SLC25A27: variants seen among roughly 807,000 people sequenced by gnomAD.
SLC25A27 encodes the protein solute carrier family 25 member 27, also known as mitochondrial uncoupling protein 4.
Under a neutral mutation model 49.1 loss-of-function variants are expected in SLC25A27, and 35 were observed. The ratio of observed to expected loss-of-function variants is 0.71; its 90% CI spans 0.54 to 0.95. The LOEUF is 0.95. Among genes scored for constraint, SLC25A27 ranks in the 40% least tolerant of loss-of-function variants. The pLI, the probability that SLC25A27 is intolerant of heterozygous loss-of-function variation, is 0.00. For synonymous variants in SLC25A27, 144 were observed against 136.9 expected, an observed-to-expected ratio of 1.05 and a Z score of -0.36; for missense variants, 339 against 397.1, an observed-to-expected ratio of 0.85 and a Z score of 1.24.
At position 46,662,437 on chromosome 6, in the gene SLC25A27, G is replaced by A; in HGVS notation, c.445G>A (p.Asp149Asn). 6.2e-7 allele frequency: 1 copy of A among 1,613,926 alleles called. No individual in the cohort carries two copies. Among genetic ancestry groups the A allele is most frequent in the African/African-American group, 1.3e-5 (1 of 75,020 alleles). The part of the protein sequence containing the change: ...VIGQFLANPT[D>N]LVKVQMQMEG... ...TGGCCAGTTTTTAGCCAATCCAACT[G>A]ACCTAGTGAAGGTTCAGATGCAAAT... Residue 149 changes from aspartate (D) to asparagine (N), a missense_variant, in exon 4 of 9, where the codon GAC becomes AAC. Transcript: ENST00000371347.
At chr6:46,654,009 T>C (rs1472404555) in intron 1 of SLC25A27, 1 of 700,846 alleles carries the variant, frequency 1.4e-6, no homozygotes, top group Admixed American at 6.3e-5. Context: ...GAAGATATTA[T>C]TAGGTGTCAT....
At chr6:46,658,727 A>G in intron 2 of SLC25A27, 1 of 530,328 alleles carries the variant, frequency 1.9e-6, no homozygotes, top group Non-Finnish European at 3.4e-6. Context: ...CAGAGAAGGG[A>G]GAATTCATTC....
intron 1 of SLC25A27, 97 bp from the exon 2 acceptor site, chr6:46,655,746 A>G: frequency 9.8e-7 from 1 of 1,016,192 alleles, no homozygotes; most frequent in South Asian, 1.5e-5. Context: ...AAATTTGAGA[A>G]CAACCAGTCT....
At chr6:46,653,681 C>T (rs961604424) in intron 1 of SLC25A27, 4 of 985,158 alleles carry the variant, frequency 4.1e-6, no homozygotes, top group South Asian at 4.7e-5. Flanking sequence ...CTTACACAGC[C>T]ACACTGTCAT....
At chr6:46,672,956 C>T (rs999043358) in intron 8 of SLC25A27, among the ~76,000 whole-genome samples, 3 of 152,064 alleles carry the variant, frequency 2.0e-5, no homozygotes, top group African/African-American at 7.2e-5. Context: ...TAAAAGTATA[C>T]CAGAGTTTGA....
intron 3 of SLC25A27, among the ~76,000 whole-genome samples, chr6:46,660,712 A>AG (rs1390934036): frequency 6.6e-6 from 1 of 152,212 alleles, no homozygotes; most frequent in Non-Finnish European, 1.5e-5. Context: ...GGTTAAAAAA[A>AG]TCTAAGTCAC....
intron 6 of SLC25A27, among the ~76,000 whole-genome samples, chr6:46,669,337 G>A (rs968214696): frequency 1.3e-5 from 2 of 152,186 alleles, no homozygotes; most frequent in Non-Finnish European, 1.5e-5. Flanking sequence ...ACTCTTCACA[G>A]AAAGGGATAC....
chr6:46,662,966 G>A (rs922035213), intron 4 of SLC25A27, among the ~76,000 whole-genome samples: 1 of 152,084 alleles, frequency 6.6e-6, no homozygotes, highest in African/African-American at 2.4e-5. Context: ...CCTTTCTCCT[G>A]CAGAAAGAGA....
At position 46,655,850 on chromosome 6, in the gene SLC25A27, TC is replaced by T. The variant is rs1762960092; in HGVS notation, c.118del (p.Leu40TrpfsTer37). The T allele has an allele frequency of 1.2e-6, 2 of 1,612,310 alleles. No individual in the cohort carries two copies. Among genetic ancestry groups the T allele is most frequent in the Non-Finnish European group, 1.7e-6 (2 of 1,179,492 alleles). Reference sequence around the variant, plus strand: ...CATTTGTGTTTTTGTTAGCAACCTTTCCCCTGGATCTCACAAAAACTCGACT... The same window carrying T: ...CATTTGTGTTTTTGTTAGCAACCTTTCCCTGGATCTCACAAAAACTCGACT... ...AATVAELATFPLDLTKTRLQM... is the reference protein window; with the variant it reads ...AATVAELATFXLDLTKTRLQM... On this transcript the variant is annotated frameshift_variant, in exon 2 of 9. Coordinates refer to ENST00000371347, the MANE Select transcript of SLC25A27 (RefSeq NM_004277.5). LOFTEE classifies it high-confidence loss of function.
chr6:46,660,442 A>G (rs915064160), intron 3 of SLC25A27, among the ~76,000 whole-genome samples: 4 of 152,332 alleles, frequency 2.6e-5, no homozygotes, highest in Middle Eastern at 3.4e-3. Flanking sequence ...TGGAGCATAA[A>G]TTACTTGTTA....
At chr6:46,667,387 A>G (rs9296506) in intron 5 of SLC25A27, among the ~76,000 whole-genome samples, 71 of 152,276 alleles carry the variant, frequency 4.7e-4, no homozygotes, top group African/African-American at 1.6e-3. Context: ...GGAACTATTG[A>G]GTTCTATTAA....
At chr6:46,665,718 T>TA (rs1248243570) in intron 5 of SLC25A27, among the ~76,000 whole-genome samples, 1 of 152,056 alleles carries the variant, frequency 6.6e-6, no homozygotes, top group African/African-American at 2.4e-5. Flanking sequence ...TCCCCTCCTA[T>TA]ACGTACTACT....
At chr6:46,676,322 A>G (rs374678613) in intron 8 of SLC25A27, 61 bp from the exon 9 acceptor site, 13 of 1,475,060 alleles carry the variant, frequency 8.8e-6, no homozygotes, top group Non-Finnish European at 1.1e-5. Flanking sequence ...ATGTATGCAC[A>G]TATGTAGACT....
intron 8 of SLC25A27, 103 bp from the exon 9 acceptor site, chr6:46,676,280 G>A: frequency 9.6e-7 from 1 of 1,039,612 alleles, no homozygotes; most frequent in South Asian, 1.7e-5. Context: ...TTCAGCCTAA[G>A]TGGTTGCAAA....
chr6:46,671,810 A>G (rs1472562192), intron 8 of SLC25A27, among the ~76,000 whole-genome samples: 1 of 152,004 alleles, frequency 6.6e-6, no homozygotes, highest in Non-Finnish European at 1.5e-5. Context: ...ATAATGTAGA[A>G]TTAGATAGAC....
In SLC25A27 at chr6:46,678,130, G is replaced by A. The variant is rs925290377; in HGVS notation, c.*1676G>A. On this transcript the variant is annotated 3_prime_UTR_variant, in exon 9 of 9. Coordinates refer to ENST00000371347, the MANE Select transcript of SLC25A27 (RefSeq NM_004277.5). ...AAAATTTTGTTTGTTTTTATGTTTT[G>A]TAATTTTTAAAATTAAGTAAAGACT... 1 of 143,232 alleles carries A rather than the reference G, an allele frequency of 7.0e-6. No individual in the cohort carries two copies. The highest frequency in any genetic ancestry group is 1.5e-5 in the Non-Finnish European group (1 of 66,236). The allele number at this position is 143,232 out of a possible 1,614,324, so 8.9% of individuals were successfully genotyped here.
At position 46,672,766 on chromosome 6, in the gene SLC25A27, G is replaced by A. The variant is rs114923365; in HGVS notation, c.900+1538G>A. The stretch of plus-strand genomic sequence containing the variant: ...GACATCCAAGCAGAGATGTCTAGAT[G>A]ACAAACTGAATATATTGGTCTATGT... On this transcript the variant is annotated intron_variant, in intron 8 of 8. Coordinates refer to ENST00000371347, the MANE Select transcript of SLC25A27 (RefSeq NM_004277.5). 9.2e-3 allele frequency among the ~76,000 whole-genome samples: 1,395 copies of A among 152,274 alleles called. 6 individuals carry two copies. The highest frequency in any genetic ancestry group is 0.015 in the Non-Finnish European group (992 of 68,014).
At position 46,677,658 on chromosome 6, in the gene SLC25A27, A is replaced by G. The variant is rs975537483; in HGVS notation, c.*1204A>G. 1.3e-5 allele frequency: 2 copies of G among 152,338 alleles called. No individual in the cohort carries two copies. The highest frequency in any genetic ancestry group is 6.5e-5 in the Admixed American group (1 of 15,276). The allele number at this position is 152,338 out of a possible 1,614,324, so 9.4% of individuals were successfully genotyped here. A position where few individuals can be genotyped will look rare whatever the true frequency, so the allele number is the denominator to read the frequency against. ...CAGCTACATACCACCGGCTCTCCCA[A>G]CCTCAGACGGTGGGCATTTCTGGAT... On this transcript the variant is annotated 3_prime_UTR_variant, in exon 9 of 9. Coordinates refer to ENST00000371347, the MANE Select transcript of SLC25A27 (RefSeq NM_004277.5).
At chr6:46,666,928 G>A (rs1763344154) in intron 5 of SLC25A27, among the ~76,000 whole-genome samples, 1 of 151,946 alleles carries the variant, frequency 6.6e-6, no homozygotes, top group African/African-American at 2.4e-5. Flanking sequence ...CCATCTTCCA[G>A]ATATATCTCA....
Sources: allele counts gnomAD v4.1 joint callset (sites outside exome capture counted in the v4.1 genomes callset), GRCh38; gene constraint gnomAD v4.1.1; transcripts MANE v1.5; gene names NCBI Gene and HGNC (gene_info 2026-07-23, HGNC 2026-07-21).